The following CHSY3 variants were observed in gnomAD, a reference collection of about 807,000 sequenced individuals.
The protein encoded by CHSY3 is chondroitin sulfate synthase 3.
A neutral mutation model predicts 67.2 loss-of-function variants in CHSY3; 35 were observed. The ratio of observed to expected loss-of-function variants is 0.52; its 90% CI spans 0.40 to 0.69. CHSY3 has a LOEUF of 0.69. Among genes scored for constraint, CHSY3 ranks in the 30% least tolerant of loss-of-function variants. The probability of loss-of-function intolerance (pLI) is 0.00; values close to 1 mark genes in which losing one functional copy is unlikely to be tolerated. For missense variants in CHSY3, 1,069 were observed against 1,138.5 expected, an observed-to-expected ratio of 0.94 and a Z score of 0.88; for synonymous variants, 474 against 434.7, an observed-to-expected ratio of 1.09 and a Z score of -1.12.
At chr5:129,981,059 A>AAT (rs1229024979) in intron 2 of CHSY3, among the ~76,000 whole-genome samples, 3 of 150,348 alleles carry the variant, frequency 2.0e-5, no homozygotes, top group African/African-American at 7.3e-5. Flanking sequence ...ACAAAAAAAA[A>AAT]AAAAAAAAAA....
chr5:130,116,978 T>G (rs190726858), intron 2 of CHSY3, among the ~76,000 whole-genome samples: 96 of 152,288 alleles, frequency 6.3e-4, no homozygotes, highest in African/African-American at 2.0e-3. Context: ...GACCTGGGCT[T>G]CTTTTGGGGG....
intron 2 of CHSY3, among the ~76,000 whole-genome samples, chr5:129,992,590 A>C (rs1157002304): frequency 6.6e-6 from 1 of 152,156 alleles, no homozygotes; most frequent in Admixed American, 6.6e-5. Context: ...TATTTTTTAC[A>C]TCATTCCAGT....
intron 2 of CHSY3, among the ~76,000 whole-genome samples, chr5:130,150,653 A>G (rs1769210040): frequency 6.6e-6 from 1 of 152,180 alleles, no homozygotes; most frequent in South Asian, 2.1e-4. Context: ...TCATGGTGCT[A>G]AGAGTACTGT....
intron 2 of CHSY3, among the ~76,000 whole-genome samples, chr5:130,087,302 T>C (rs562906816): frequency 6.6e-6 from 1 of 152,254 alleles, no homozygotes; most frequent in South Asian, 2.1e-4. Flanking sequence ...CTTTGAAAAC[T>C]GACACAAGAC....
chr5:129,946,719 T>G (rs1193712481), intron 2 of CHSY3, among the ~76,000 whole-genome samples: 1 of 152,196 alleles, frequency 6.6e-6, no homozygotes, highest in Non-Finnish European at 1.5e-5. Flanking sequence ...CTTAGCATAA[T>G]GTCCTCCAGG....
chr5:129,973,724 A>G (rs1580600594), intron 2 of CHSY3, among the ~76,000 whole-genome samples: 1 of 152,234 alleles, frequency 6.6e-6, no homozygotes, highest in Non-Finnish European at 1.5e-5. Context: ...CTCACAGTCC[A>G]TCCCCTTACC....
chr5:130,066,319 G>T (rs564181532), intron 2 of CHSY3, among the ~76,000 whole-genome samples: 2 of 152,030 alleles, frequency 1.3e-5, no homozygotes, highest in South Asian at 2.1e-4. Flanking sequence ...AAATAATACC[G>T]CATGATGAAT....
chr5:129,921,575 G>T (rs1006120423), intron 2 of CHSY3, among the ~76,000 whole-genome samples: 5 of 152,176 alleles, frequency 3.3e-5, no homozygotes, highest in African/African-American at 1.2e-4. Context: ...AAAGTGAAAT[G>T]GTGGATTAGG....
At chr5:129,986,842 C>CTGTCTG (rs1763219464) in intron 2 of CHSY3, among the ~76,000 whole-genome samples, 1 of 152,006 alleles carries the variant, frequency 6.6e-6, no homozygotes, top group South Asian at 2.1e-4. Context: ...AGGGTTTTGC[C>CTGTCTG]ATCTTTCCCA....
chr5:130,029,515 T>G (rs1001759372), intron 2 of CHSY3, among the ~76,000 whole-genome samples: 11 of 152,158 alleles, frequency 7.2e-5, no homozygotes, highest in African/African-American at 2.6e-4. Flanking sequence ...CACAAGGAAA[T>G]TAAATTTACT....
chr5:130,109,008 G>C (rs1461636552), intron 2 of CHSY3, among the ~76,000 whole-genome samples: 1 of 151,670 alleles, frequency 6.6e-6, no homozygotes, highest in Admixed American at 6.6e-5. Context: ...AAGCCCTCAA[G>C]TTTCTTAAAC....
At chr5:130,137,448 C>T (rs1315374091) in intron 2 of CHSY3, among the ~76,000 whole-genome samples, 1 of 152,098 alleles carries the variant, frequency 6.6e-6, no homozygotes, top group African/African-American at 2.4e-5. Context: ...CATCCTGATC[C>T]TTTTTCCCTG....
chr5:129,984,343 C>T (rs1763108824), intron 2 of CHSY3, among the ~76,000 whole-genome samples: 1 of 152,100 alleles, frequency 6.6e-6, no homozygotes, highest in Admixed American at 6.5e-5. Flanking sequence ...ATCCATGTTG[C>T]TGCAAAGGAT....
At chr5:130,116,926 A>G (rs1189056139) in intron 2 of CHSY3, among the ~76,000 whole-genome samples, 1 of 151,938 alleles carries the variant, frequency 6.6e-6, no homozygotes, top group African/African-American at 2.4e-5. Flanking sequence ...TAAGTGTTTA[A>G]TTATTGCCAC....
At chr5:130,176,330 A>T (rs573212492) in intron 2 of CHSY3, among the ~76,000 whole-genome samples, 2 of 152,304 alleles carry the variant, frequency 1.3e-5, no homozygotes, top group South Asian at 4.1e-4. Context: ...TAGAATGGTG[A>T]TCAATAAAAA....
chr5:130,043,202 T>A (rs1033401414), intron 2 of CHSY3, among the ~76,000 whole-genome samples: 2 of 152,066 alleles, frequency 1.3e-5, no homozygotes, highest in African/African-American at 2.4e-5. Context: ...TTGTTTGTTT[T>A]TTTTACTGTG....
intron 2 of CHSY3, among the ~76,000 whole-genome samples, chr5:129,927,081 A>G (rs1761140715): frequency 1.3e-5 from 2 of 151,908 alleles, no homozygotes; most frequent in Non-Finnish European, 2.9e-5. Flanking sequence ...AGGTCCTATA[A>G]GGCCCTGATT....
chr5:130,049,452 G>A (rs979093863), intron 2 of CHSY3, among the ~76,000 whole-genome samples: 1 of 151,998 alleles, frequency 6.6e-6, no homozygotes, highest in Non-Finnish European at 1.5e-5. Flanking sequence ...CCATAGAAAA[G>A]AACAAGAAGT....
intron 2 of CHSY3, among the ~76,000 whole-genome samples, chr5:129,909,188 A>T (rs1383115102): frequency 6.6e-6 from 1 of 152,142 alleles, no homozygotes; most frequent in Non-Finnish European, 1.5e-5. Flanking sequence ...GATTTCCTAA[A>T]AGATAATTTT....
Sources: gnomAD v4.1 joint callset for allele counts (sites outside exome capture counted in the v4.1 genomes callset) on GRCh38, gnomAD v4.1.1 for gene constraint, MANE v1.5 for transcripts, NCBI Gene and HGNC (gene_info 2026-07-23, HGNC 2026-07-21) for gene names.